The following PTPRT variants were observed in gnomAD, a reference collection of about 807,000 sequenced individuals.
PTPRT encodes the protein receptor-type tyrosine-protein phosphatase T.
Under a neutral mutation model 176.8 loss-of-function variants are expected in PTPRT, and 56 were observed. The ratio of observed to expected loss-of-function variants is 0.32; its 90% CI spans 0.26 to 0.40. The LOEUF (loss-of-function observed/expected upper bound fraction) is 0.40. Ranked by LOEUF, PTPRT falls within the 10% of genes least tolerant of loss-of-function variation. The pLI is 1.00. For missense variants in PTPRT, 1,540 were observed against 1,908.2 expected (o/e 0.81, Z 3.60); for synonymous variants, 783 against 739.0 (o/e 1.06, Z -0.96).
chr20:42,356,565 G>C (rs1421195323), intron 9 of PTPRT, among the ~76,000 whole-genome samples: 1 of 151,982 alleles, frequency 6.6e-6, no homozygotes, highest in Non-Finnish European at 1.5e-5. Flanking sequence ...GTGTGGTGGT[G>C]CATGCCTGTA....
chr20:43,158,495 C>A (rs76010920), intron 1 of PTPRT, among the ~76,000 whole-genome samples: 3,422 of 152,320 alleles, frequency 0.022, 59 homozygotes, highest in South Asian at 0.043. Flanking sequence ...CAACAAAGAA[C>A]ATCTGGCCTT....
chr20:42,398,624 C>T (rs1354047616), intron 9 of PTPRT, among the ~76,000 whole-genome samples: 2 of 152,028 alleles, frequency 1.3e-5, no homozygotes, highest in African/African-American at 2.4e-5. Context: ...ATGTCTTGAT[C>T]TGAATATTAA....
chr20:42,435,350 C>T (rs2059252828), intron 9 of PTPRT, among the ~76,000 whole-genome samples: 1 of 152,138 alleles, frequency 6.6e-6, no homozygotes, highest in Admixed American at 6.5e-5. Flanking sequence ...TGGGCAAAGC[C>T]CTACCTGAAG....
At chr20:42,989,570 G>C (rs553634864) in intron 1 of PTPRT, among the ~76,000 whole-genome samples, 17 of 152,254 alleles carry the variant, frequency 1.1e-4, no homozygotes, top group Admixed American at 9.2e-4. Flanking sequence ...CTAGAAACGA[G>C]TATTGGTTTA....
chr20:43,068,332 T>G (rs971484774), intron 1 of PTPRT, among the ~76,000 whole-genome samples: 1 of 150,148 alleles, frequency 6.7e-6, no homozygotes, highest in Non-Finnish European at 1.5e-5. Context: ...GTGAAACCCC[T>G]TATCTACTAA....
At chr20:42,597,784 G>T (rs2073698584) in intron 7 of PTPRT, among the ~76,000 whole-genome samples, 1 of 152,124 alleles carries the variant, frequency 6.6e-6, no homozygotes, top group African/African-American at 2.4e-5. Context: ...TTATAGCAGG[G>T]TGAGAACAGA....
intron 2 of PTPRT, among the ~76,000 whole-genome samples, chr20:42,797,290 T>C (rs989194352): frequency 6.6e-6 from 1 of 152,216 alleles, no homozygotes; most frequent in African/African-American, 2.4e-5. Flanking sequence ...TGTCAGAAAC[T>C]GTTTATTTTG....
At chr20:42,354,704 T>C (rs1285454789) in intron 9 of PTPRT, among the ~76,000 whole-genome samples, 1 of 152,158 alleles carries the variant, frequency 6.6e-6, no homozygotes, top group Middle Eastern at 3.2e-3. Flanking sequence ...TTATCTTCCA[T>C]CAAGAATGGC....
At chr20:43,186,518 T>C (rs1006279156) in intron 1 of PTPRT, among the ~76,000 whole-genome samples, 4 of 152,232 alleles carry the variant, frequency 2.6e-5, no homozygotes, top group African/African-American at 9.6e-5. Context: ...TCATGTCCTC[T>C]GATCGTGGCT....
chr20:43,006,964 AT>A (rs1984885503), intron 1 of PTPRT, among the ~76,000 whole-genome samples: 1 of 152,206 alleles, frequency 6.6e-6, no homozygotes, highest in Non-Finnish European at 1.5e-5. Context: ...CAAAAACAGT[AT>A]CTTGTTCTAA....
intron 2 of PTPRT, among the ~76,000 whole-genome samples, chr20:42,846,511 T>C (rs1414698547): frequency 6.6e-6 from 1 of 152,210 alleles, no homozygotes; most frequent in Non-Finnish European, 1.5e-5. Context: ...ACCACAGTAA[T>C]GATCTCACAT....
chr20:42,871,280 A>G (rs2078841559), intron 2 of PTPRT, among the ~76,000 whole-genome samples: 1 of 148,500 alleles, frequency 6.7e-6, no homozygotes, highest in African/African-American at 2.5e-5. Context: ...CCATTTGTTT[A>G]TCTTCTTTGG....
intron 1 of PTPRT, among the ~76,000 whole-genome samples, chr20:43,069,352 T>C (rs2011151364): frequency 6.6e-6 from 1 of 152,238 alleles, no homozygotes; most frequent in African/African-American, 2.4e-5. Context: ...GTCAGTGCTA[T>C]AACCATCTCC....
At chr20:42,471,709 G>A (rs903109048) in intron 8 of PTPRT, among the ~76,000 whole-genome samples, 2 of 152,036 alleles carry the variant, frequency 1.3e-5, no homozygotes, top group African/African-American at 4.8e-5. Flanking sequence ...AGGCTGGAGT[G>A]CAATGGTGCG....
intron 2 of PTPRT, among the ~76,000 whole-genome samples, chr20:42,829,565 T>G (rs957500074): frequency 6.6e-6 from 1 of 152,142 alleles, no homozygotes; most frequent in Non-Finnish European, 1.5e-5. Context: ...CCATCTCTAC[T>G]AAAAATACAA....
chr20:42,088,214 G>C (rs1984213965), intron 27 of PTPRT, among the ~76,000 whole-genome samples: 1 of 152,172 alleles, frequency 6.6e-6, no homozygotes, highest in African/African-American at 2.4e-5. Flanking sequence ...ATATAGCCAA[G>C]ATTCACAAAG....
intron 7 of PTPRT, among the ~76,000 whole-genome samples, chr20:42,675,790 C>G (rs942510491): frequency 1.3e-5 from 2 of 152,130 alleles, no homozygotes; most frequent in African/African-American, 4.8e-5. Flanking sequence ...TCCTATACAC[C>G]ACATTTTATT....
At chr20:42,111,915 C>T (rs1987019816) in intron 22 of PTPRT, among the ~76,000 whole-genome samples, 1 of 152,010 alleles carries the variant, frequency 6.6e-6, no homozygotes, top group African/African-American at 2.4e-5. Flanking sequence ...GGCCTGGGGA[C>T]AGGGCTTAGC....
chr20:42,885,777 T>C (rs1456461883), intron 2 of PTPRT, 30 bp downstream of exon 2: 3 of 1,588,586 alleles, frequency 1.9e-6, no homozygotes, highest in Non-Finnish European at 2.6e-6. Flanking sequence ...GCCATCCCCA[T>C]TACAGCCCCA....
Sources: allele counts gnomAD v4.1 joint callset (sites outside exome capture counted in the v4.1 genomes callset), GRCh38; gene constraint gnomAD v4.1.1; transcripts MANE v1.5; gene names NCBI Gene and HGNC (gene_info 2026-07-23, HGNC 2026-07-21).